ATRX: variants seen among roughly 807,000 people sequenced by gnomAD.
ATRX encodes ATRX chromatin remodeler.
ATRX carries 12 observed loss-of-function variants against 172.6 expected under a neutral mutation model. The ratio of observed to expected loss-of-function variants is 0.07; its 90% CI spans 0.04 to 0.11. The LOEUF is 0.11. Among genes scored for constraint, ATRX ranks in the 10% least tolerant of loss-of-function variants. ATRX has a pLI of 1.00. For synonymous variants in ATRX, 674 were observed against 594.7 expected, an observed-to-expected ratio of 1.13 and a Z score of -1.94; for missense variants, 1,368 against 1,767.4, an observed-to-expected ratio of 0.77 and a Z score of 4.05.
chrX:77,656,966 T>C (rs1557120173), intron 12 of ATRX, among the ~76,000 whole-genome samples: 1 of 111,721 alleles, frequency 9.0e-6, no homozygotes, highest in Non-Finnish European at 1.9e-5. Context: ...AAAGGTAAAT[T>C]AATGAAAAAG....
intron 22 of ATRX, among the ~76,000 whole-genome samples, chrX:77,603,412 C>A (rs181565936): frequency 3.8e-4 from 42 of 109,547 alleles, no homozygotes; most frequent in Non-Finnish European, 7.4e-4. Context: ...GTTGCCTAGG[C>A]TGGAGTACAG....
intron 1 of ATRX, among the ~76,000 whole-genome samples, chrX:77,734,067 C>T (rs560622868): frequency 3.6e-5 from 4 of 109,804 alleles, no homozygotes; most frequent in African/African-American, 1.3e-4. Flanking sequence ...ATTAGCCAGG[C>T]GTGGTGGCAT....
At chrX:77,588,753 T>C (rs1453392836) in intron 27 of ATRX, among the ~76,000 whole-genome samples, 1 of 111,874 alleles carries the variant, frequency 8.9e-6, no homozygotes, top group African/African-American at 3.2e-5. Context: ...GAATATATTT[T>C]TTAAAACACA....
chrX:77,633,022 A>G (rs2068181673), intron 19 of ATRX, among the ~76,000 whole-genome samples, 185 bp downstream of exon 19: 1 of 112,353 alleles, frequency 8.9e-6, no homozygotes, highest in African/African-American at 3.2e-5. Flanking sequence ...AATTCTGAAC[A>G]GCTGGCGACA....
At chrX:77,710,788 G>A (rs2073071780) in intron 2 of ATRX, among the ~76,000 whole-genome samples, 1 of 111,314 alleles carries the variant, frequency 9.0e-6, no homozygotes, top group South Asian at 3.7e-4. Flanking sequence ...CAGGTGTTAA[G>A]CATAGGCAGA....
chrX:77,651,263 G>A (rs1415530852), intron 15 of ATRX, among the ~76,000 whole-genome samples: 1 of 87,219 alleles, frequency 1.1e-5, no homozygotes, highest in African/African-American at 4.3e-5. Flanking sequence ...AACAAGACTC[G>A]TCCTGTGTTA....
chrX:77,670,378 T>C (rs1442521168), intron 10 of ATRX, among the ~76,000 whole-genome samples: 1 of 112,113 alleles, frequency 8.9e-6, no homozygotes, highest in Non-Finnish European at 1.9e-5. Context: ...CAAAGGAGTA[T>C]AGCCAAGGAA....
At chrX:77,572,704 AAAT>A (rs1406617456) in intron 28 of ATRX, among the ~76,000 whole-genome samples, 1 of 112,277 alleles carries the variant, frequency 8.9e-6, no homozygotes, top group Non-Finnish European at 1.9e-5. Context: ...ACTCATGTAC[AAAT>A]AATAATTTGT....
At chrX:77,690,568 ATCC>A in intron 6 of ATRX, among the ~76,000 whole-genome samples, 1 of 111,542 alleles carries the variant, frequency 9.0e-6, no homozygotes, top group African/African-American at 3.3e-5. Context: ...AGTTCAAGCA[ATCC>A]TCCTATCTCA....
At chrX:77,753,165 G>A (rs782717240) in intron 1 of ATRX, among the ~76,000 whole-genome samples, 1 of 111,224 alleles carries the variant, frequency 9.0e-6, no homozygotes, top group Non-Finnish European at 1.9e-5. Context: ...GGTCTATTCA[G>A]GGAGTCAACT....
At position 77,719,590 on chromosome X, in the gene ATRX, G is replaced by A. The variant is rs1557167580; in HGVS notation, c.21-2347C>T. Among the ~76,000 whole-genome samples, 3 of 111,037 alleles carry A rather than the reference G, an allele frequency of 2.7e-5. No individual in the cohort carries two copies. In the Admixed American group the frequency reaches 2.9e-4, roughly 11 times the overall value. ...CAAAGATCAAAACAGACAAAGAAGGGTGTTACATAATGGTAAAGGGATCAA... is the reference window on the plus strand; with the variant it reads ...CAAAGATCAAAACAGACAAAGAAGGATGTTACATAATGGTAAAGGGATCAA... On this transcript the variant is annotated intron_variant, in intron 1 of 34. Coordinates refer to ENST00000373344, the MANE Select transcript of ATRX (RefSeq NM_000489.6).
intron 30 of ATRX, among the ~76,000 whole-genome samples, chrX:77,524,187 A>G (rs1205444035): frequency 2.7e-5 from 3 of 112,080 alleles, no homozygotes; most frequent in African/African-American, 9.7e-5. Context: ...AGTGAATTAC[A>G]GATATGTTAC....
At chrX:77,644,265 A>G (rs782651046) in intron 15 of ATRX, among the ~76,000 whole-genome samples, 1 of 112,869 alleles carries the variant, frequency 8.9e-6, no homozygotes, top group South Asian at 3.6e-4. Flanking sequence ...ATCTTTCAAA[A>G]CATTAGTTGA....
intron 22 of ATRX, among the ~76,000 whole-genome samples, chrX:77,605,481 A>G (rs782470776): frequency 9.0e-6 from 1 of 110,944 alleles, no homozygotes; most frequent in African/African-American, 3.3e-5. Context: ...AAAAAGAAAT[A>G]AGTAGTAATA....
rs185359850 is a variant in ATRX, at chrX:77,599,600, C to T, written c.5787-20G>A. 8.3e-7 allele frequency: 1 copy of T among 1,202,942 alleles called. No individual in the cohort carries two copies. Among genetic ancestry groups the T allele is most frequent in the African/African-American group, 1.8e-5 (1 of 54,111 alleles). On this transcript the variant is annotated intron_variant, in intron 24 of 34. Coordinates refer to ENST00000373344, the MANE Select transcript of ATRX (RefSeq NM_000489.6). Reference sequence around the variant, plus strand: ...TTCTTTCTAAAAACAAACAAACAAACAAACAAAAAAACACATTCAGATTGT... The same window carrying T: ...TTCTTTCTAAAAACAAACAAACAAATAAACAAAAAAACACATTCAGATTGT...
At chrX:77,743,770 T>C (rs782529247) in intron 1 of ATRX, among the ~76,000 whole-genome samples, 1 of 111,511 alleles carries the variant, frequency 9.0e-6, no homozygotes, top group South Asian at 3.8e-4. Flanking sequence ...GGTACACCAT[T>C]ACAACAGGCA....
chrX:77,577,473 T>TG (rs1491224958), intron 27 of ATRX, among the ~76,000 whole-genome samples: 8 of 111,631 alleles, frequency 7.2e-5, no homozygotes, highest in African/African-American at 2.6e-4. Flanking sequence ...TTTTTGTTGT[T>TG]GTGTTGTAGG....
intron 2 of ATRX, among the ~76,000 whole-genome samples, chrX:77,702,226 A>G (rs1368710650): frequency 1.8e-5 from 2 of 111,284 alleles, no homozygotes; most frequent in African/African-American, 3.3e-5. Flanking sequence ...GCGGATCACC[A>G]GAGGTCAGGA....
chrX:77,636,762 C>CA (rs538959246), intron 15 of ATRX, among the ~76,000 whole-genome samples: 9,710 of 75,350 alleles, frequency 0.13, 705 homozygotes, highest in African/African-American at 0.29. Flanking sequence ...GTTGCTATGC[C>CA]AAAAAAAAAA....
Sources: allele counts gnomAD v4.1 joint callset (sites outside exome capture counted in the v4.1 genomes callset), GRCh38; gene constraint gnomAD v4.1.1; transcripts MANE v1.5; gene names NCBI Gene and HGNC (gene_info 2026-07-23, HGNC 2026-07-21).